Variants in CHD6 observed in about 807,000 individuals in gnomAD.
CHD6 encodes the protein ATP-dependent chromatin remodeler CHD6.
CHD6 carries 50 observed loss-of-function variants against 276.9 expected under a neutral mutation model. The observed-to-expected ratio is 0.18, with a 90% CI of 0.14 to 0.23. The LOEUF is 0.23. Among genes scored for constraint, CHD6 ranks in the 10% least tolerant of loss-of-function variants. The probability of loss-of-function intolerance (pLI) is 1.00; values close to 1 mark genes in which losing one functional copy is unlikely to be tolerated. For synonymous variants in CHD6, 1,173 were observed against 1,229.3 expected (o/e 0.95, Z 0.96); for missense variants, 2,564 against 3,365.8 (o/e 0.76, Z 5.89).
intron 24 of CHD6, 32 bp downstream of exon 24, chr20:41,447,850 A>C (rs768215625): frequency 3.3e-5 from 49 of 1,495,010 alleles, no homozygotes; most frequent in Non-Finnish European, 4.4e-5. Flanking sequence ...TCAATTCTTT[A>C]ACGTTGATAT....
At chr20:41,484,766 A>G (rs1482086154) in intron 14 of CHD6, among the ~76,000 whole-genome samples, 159 bp from the exon 15 acceptor site, 1 of 152,168 alleles carries the variant, frequency 6.6e-6, no homozygotes, top group Non-Finnish European at 1.5e-5. Flanking sequence ...TGGAGAGTTT[A>G]TAATAGTACT....
rs182558380 is a variant in CHD6, at chr20:41,404,279, A to G, written c.*314T>C. 7 of 1,103,692 alleles carry G rather than the reference A, an allele frequency of 6.3e-6. No individual in the cohort carries two copies. The Admixed American group carries it at 3.5e-4, about 55-fold the overall frequency. 68.4% of individuals were successfully genotyped at this position (1,103,692 alleles called of 1,614,324 possible). ...TTTCTTTTGCCATTTTTCCTCCTCAAGTGAGTGGGAAACTTGGAAGAGAAG... is the reference window on the plus strand; with the variant it reads ...TTTCTTTTGCCATTTTTCCTCCTCAGGTGAGTGGGAAACTTGGAAGAGAAG... On this transcript the variant is annotated 3_prime_UTR_variant, in exon 37 of 37. Coordinates refer to ENST00000373233, the MANE Select transcript of CHD6 (RefSeq NM_032221.5).
At chr20:41,499,505 AAAG>A (rs2043780326) in intron 5 of CHD6, 148 bp from the exon 6 acceptor site, 1 of 604,360 alleles carries the variant, frequency 1.7e-6, no homozygotes, top group Admixed American at 3.1e-5. Context: ...AGAGTGGTCA[AAAG>A]GTCACAAGCA....
intron 2 of CHD6, among the ~76,000 whole-genome samples, chr20:41,535,921 G>GTCATGC (rs2044820604): frequency 1.3e-5 from 2 of 152,090 alleles, no homozygotes; most frequent in African/African-American, 4.8e-5. Context: ...TTTGGGAAAG[G>GTCATGC]TCATGCAGTT....
At chr20:41,612,635 C>G (rs941286347) in intron 1 of CHD6, among the ~76,000 whole-genome samples, 2 of 152,076 alleles carry the variant, frequency 1.3e-5, no homozygotes, top group Admixed American at 6.6e-5. Flanking sequence ...AAATTCTTTC[C>G]GTAAATAAAA....
chr20:41,613,808 G>A (rs1481074940), intron 1 of CHD6, among the ~76,000 whole-genome samples: 3 of 152,118 alleles, frequency 2.0e-5, no homozygotes, highest in Non-Finnish European at 2.9e-5. Flanking sequence ...TGGATTGTCC[G>A]CCTATAAAAT....
intron 1 of CHD6, among the ~76,000 whole-genome samples, chr20:41,572,417 G>A (rs948560311): frequency 1.7e-4 from 26 of 152,118 alleles, no homozygotes; most frequent in African/African-American, 6.0e-4. Flanking sequence ...CTGTAGACAC[G>A]GACAGCAGGG....
chr20:41,407,991 C>T (rs1286534759), intron 36 of CHD6, among the ~76,000 whole-genome samples: 1 of 152,022 alleles, frequency 6.6e-6, no homozygotes, highest in African/African-American at 2.4e-5. Flanking sequence ...ACGTGCATAT[C>T]TGAATGTTTC....
intron 17 of CHD6, among the ~76,000 whole-genome samples, chr20:41,463,892 T>C (rs1162087675): frequency 6.6e-6 from 1 of 152,232 alleles, no homozygotes; most frequent in East Asian, 1.9e-4. Flanking sequence ...TCCTTGTACT[T>C]AGTGAAATAC....
At chr20:41,485,313 G>A (rs1403839295) in intron 14 of CHD6, among the ~76,000 whole-genome samples, 2 of 152,152 alleles carry the variant, frequency 1.3e-5, no homozygotes, top group Non-Finnish European at 2.9e-5. Flanking sequence ...GACAGACTGA[G>A]GGATTCAAAG....
At chr20:41,424,916 G>C (rs1448038460) in intron 29 of CHD6, among the ~76,000 whole-genome samples, 1 of 152,210 alleles carries the variant, frequency 6.6e-6, no homozygotes, top group African/African-American at 2.4e-5. Flanking sequence ...CATCCCCAGA[G>C]ACTGGGGTTT....
intron 12 of CHD6, among the ~76,000 whole-genome samples, chr20:41,489,300 G>C (rs1208108774): frequency 6.6e-6 from 1 of 152,170 alleles, no homozygotes; most frequent in Non-Finnish European, 1.5e-5. Context: ...ATTCAGCTAA[G>C]TGACAGCACT....
chr20:41,586,907 C>A (rs1375452166), intron 1 of CHD6, among the ~76,000 whole-genome samples: 3 of 152,122 alleles, frequency 2.0e-5, no homozygotes, highest in African/African-American at 7.2e-5. Flanking sequence ...AGGAACAACA[C>A]AAAGACATCT....
chr20:41,521,774 A>C (rs937797085), intron 3 of CHD6, among the ~76,000 whole-genome samples: 2 of 152,230 alleles, frequency 1.3e-5, no homozygotes, highest in Non-Finnish European at 2.9e-5. Flanking sequence ...GATGAGCCCG[A>C]AACATCCTGC....
intron 4 of CHD6, 29 bp downstream of exon 4, chr20:41,514,776 T>A: frequency 1.2e-6 from 2 of 1,609,820 alleles, no homozygotes; most frequent in Non-Finnish European, 1.7e-6. Flanking sequence ...AGCCGTAATC[T>A]CCACCAGGCC....
intron 1 of CHD6, among the ~76,000 whole-genome samples, chr20:41,611,643 G>C (rs1287973868): frequency 6.6e-6 from 1 of 151,078 alleles, no homozygotes; most frequent in Admixed American, 6.6e-5. Flanking sequence ...TTTTTTTTAA[G>C]ACAGAGTCTC....
chr20:41,451,805 C>T (rs768991340), intron 22 of CHD6, 21 bp downstream of exon 22: 22 of 1,611,062 alleles, frequency 1.4e-5, no homozygotes, highest in Non-Finnish European at 6.8e-6. Context: ...GCTTCTTAGG[C>T]ATGGCCCTGC....
At chr20:41,432,634 G>T (rs748155136) in intron 27 of CHD6, among the ~76,000 whole-genome samples, 2 of 152,066 alleles carry the variant, frequency 1.3e-5, no homozygotes, top group Non-Finnish European at 2.9e-5. Flanking sequence ...TGCTGAAAGA[G>T]AACGTTTAAA....
intron 36 of CHD6, among the ~76,000 whole-genome samples, chr20:41,407,942 T>C (rs1600783387): frequency 6.6e-6 from 1 of 152,200 alleles, no homozygotes; most frequent in Non-Finnish European, 1.5e-5. Context: ...TCATCATGCC[T>C]GCTTTACAGA....
Sources: gnomAD v4.1 joint callset for allele counts (sites outside exome capture counted in the v4.1 genomes callset) on GRCh38, gnomAD v4.1.1 for gene constraint, MANE v1.5 for transcripts, NCBI Gene and HGNC (gene_info 2026-07-23, HGNC 2026-07-21) for gene names.